ST6GALNAC3: variants seen among roughly 807,000 people sequenced by gnomAD.
The protein encoded by ST6GALNAC3 is ST6 N-acetylgalactosaminide alpha-2,6-sialyltransferase 3.
ST6GALNAC3 carries 25 observed loss-of-function variants against 32.7 expected under a neutral mutation model. The ratio of observed to expected loss-of-function variants is 0.76; its 90% CI spans 0.56 to 1.07. The LOEUF (loss-of-function observed/expected upper bound fraction) is 1.07, where lower values mean the gene tolerates loss of function less well. Ranked by LOEUF, ST6GALNAC3 falls within the 50% of genes least tolerant of loss-of-function variation. The pLI is 0.00. For missense variants in ST6GALNAC3, 355 were observed against 382.4 expected, an observed-to-expected ratio of 0.93 and a Z score of 0.60; for synonymous variants, 129 against 133.1, an observed-to-expected ratio of 0.97 and a Z score of 0.21.
chr1:76,565,661 A>G (rs1449130201), intron 3 of ST6GALNAC3, among the ~76,000 whole-genome samples: 1 of 152,216 alleles, frequency 6.6e-6, no homozygotes, highest in Admixed American at 6.5e-5. Context: ...ATTGAGGCTA[A>G]CAGGTTTTAG....
At chr1:76,167,086 G>C (rs1303262319) in intron 1 of ST6GALNAC3, among the ~76,000 whole-genome samples, 1 of 152,130 alleles carries the variant, frequency 6.6e-6, no homozygotes, top group African/African-American at 2.4e-5. Flanking sequence ...TGGTTTTCAA[G>C]GGAAATGCTT....
intron 1 of ST6GALNAC3, among the ~76,000 whole-genome samples, chr1:76,115,603 T>A (rs930715811): frequency 3.3e-5 from 5 of 152,140 alleles, no homozygotes; most frequent in Admixed American, 2.6e-4. Flanking sequence ...TAGAAAGACA[T>A]TGGGGATGGG....
intron 3 of ST6GALNAC3, among the ~76,000 whole-genome samples, chr1:76,576,192 G>A (rs28477418): frequency 0.012 from 1,883 of 152,092 alleles, 42 homozygotes; most frequent in African/African-American, 0.043. Context: ...GAAGAAAACA[G>A]GATGATTAGT....
At chr1:76,237,645 A>G (rs964432364) in intron 1 of ST6GALNAC3, among the ~76,000 whole-genome samples, 4 of 152,144 alleles carry the variant, frequency 2.6e-5, no homozygotes, top group African/African-American at 7.2e-5. Flanking sequence ...ATTTTCTCTT[A>G]GGGCCATTTC....
At chr1:76,370,365 C>A (rs1239448579) in intron 2 of ST6GALNAC3, among the ~76,000 whole-genome samples, 1 of 152,146 alleles carries the variant, frequency 6.6e-6, no homozygotes, top group Admixed American at 6.6e-5. Context: ...AAACAGATAA[C>A]TCATCCATCT....
chr1:76,118,402 A>G (rs1288011562), intron 1 of ST6GALNAC3, among the ~76,000 whole-genome samples: 3 of 152,350 alleles, frequency 2.0e-5, no homozygotes, highest in East Asian at 3.9e-4. Context: ...CAGTAAGTAA[A>G]TGTCTTCCCT....
chr1:76,079,328 T>C (rs1338927530), intron 1 of ST6GALNAC3, among the ~76,000 whole-genome samples: 6 of 152,238 alleles, frequency 3.9e-5, no homozygotes, highest in African/African-American at 9.6e-5. Context: ...TTATAAATTA[T>C]AGATACTTTA....
chr1:76,547,204 T>G (rs1664348994), intron 3 of ST6GALNAC3, among the ~76,000 whole-genome samples: 1 of 152,188 alleles, frequency 6.6e-6, no homozygotes, highest in South Asian at 2.1e-4. Flanking sequence ...TGGAATAACT[T>G]TTGTTTGCCA....
Position 76,439,375 on chromosome 1 carries a change from C to T in ST6GALNAC3, c.623+26958C>T, listed in dbSNP as rs192701572. On this transcript the variant is annotated intron_variant, in intron 3 of 4. Coordinates refer to ENST00000328299, the MANE Select transcript of ST6GALNAC3 (RefSeq NM_152996.4). ...CTAATACGTATGGCTTAAAATAAAA[C>T]GTGGTGTATACAAATGAAAAAAGGA... is the stretch of plus-strand genomic sequence containing the variant. 3.9e-5 allele frequency among the ~76,000 whole-genome samples: 6 copies of T among 152,214 alleles called. No individual in the cohort carries two copies. In the East Asian group the frequency reaches 9.6e-4, roughly 24 times the overall value.
intron 3 of ST6GALNAC3, among the ~76,000 whole-genome samples, chr1:76,469,583 C>T (rs371146520): frequency 1.3e-5 from 2 of 152,022 alleles, no homozygotes; most frequent in South Asian, 4.2e-4. Flanking sequence ...GTATGCTGAT[C>T]GAATGTGACT....
intron 1 of ST6GALNAC3, among the ~76,000 whole-genome samples, chr1:76,090,541 C>G (rs1647030232): frequency 6.6e-6 from 1 of 152,186 alleles, no homozygotes; most frequent in African/African-American, 2.4e-5. Flanking sequence ...AAAAGATGCA[C>G]GTAAGATGAT....
At chr1:76,144,259 C>T (rs1650533436) in intron 1 of ST6GALNAC3, among the ~76,000 whole-genome samples, 1 of 152,048 alleles carries the variant, frequency 6.6e-6, no homozygotes, top group Non-Finnish European at 1.5e-5. Context: ...GTCAGTAATC[C>T]CCACTCTGAG....
At chr1:76,415,927 G>T (rs1364115306) in intron 3 of ST6GALNAC3, among the ~76,000 whole-genome samples, 4 of 151,782 alleles carry the variant, frequency 2.6e-5, no homozygotes, top group Non-Finnish European at 5.9e-5. Flanking sequence ...AGGGCTATCA[G>T]GTTTTAAGTT....
chr1:76,582,890 A>G (rs1442507762), intron 3 of ST6GALNAC3, among the ~76,000 whole-genome samples: 2 of 152,124 alleles, frequency 1.3e-5, no homozygotes, highest in African/African-American at 4.8e-5. Context: ...TAAGCAGACA[A>G]TACTTTATTT....
At chr1:76,494,649 G>GCACACA (rs35632611) in intron 3 of ST6GALNAC3, among the ~76,000 whole-genome samples, 1,093 of 67,712 alleles carry the variant, frequency 0.016, 106 homozygotes, top group African/African-American at 0.043. Flanking sequence ...ATGTGTATGC[G>GCACACA]CACACACACA....
chr1:76,441,214 A>G (rs1656577521), intron 3 of ST6GALNAC3, among the ~76,000 whole-genome samples: 2 of 152,082 alleles, frequency 1.3e-5, no homozygotes, highest in Non-Finnish European at 2.9e-5. Flanking sequence ...TATTATTGTA[A>G]TGATCATAAA....
At chr1:76,249,882 A>T (rs555642915) in intron 1 of ST6GALNAC3, among the ~76,000 whole-genome samples, 3 of 152,096 alleles carry the variant, frequency 2.0e-5, no homozygotes, top group African/African-American at 7.2e-5. Context: ...TCATGTGTTT[A>T]TTAGCCATTT....
intron 2 of ST6GALNAC3, among the ~76,000 whole-genome samples, chr1:76,383,192 T>C (rs1050425582): frequency 6.6e-6 from 1 of 152,132 alleles, no homozygotes; most frequent in African/African-American, 2.4e-5. Flanking sequence ...AAAATAAAAA[T>C]AAAATATTTG....
Position 76,155,592 on chromosome 1 carries a change from C to T in ST6GALNAC3, c.18+80708C>T, listed in dbSNP as rs1474100554. ...ATGCCATTCTCCTGCCTCAGCCTCCCGAATAGCTGGGACGACAGGCGCCCG... is the reference window on the plus strand; with the variant it reads ...ATGCCATTCTCCTGCCTCAGCCTCCTGAATAGCTGGGACGACAGGCGCCCG... On this transcript the variant is annotated intron_variant, in intron 1 of 4. Transcript: ENST00000328299. Among the ~76,000 whole-genome samples, 7 of 151,582 alleles carry T rather than the reference C, an allele frequency of 4.6e-5. No homozygotes were observed. The East Asian group carries it at 1.2e-3, about 25-fold the overall frequency.
Sources: allele counts gnomAD v4.1 joint callset (sites outside exome capture counted in the v4.1 genomes callset), GRCh38; gene constraint gnomAD v4.1.1; transcripts MANE v1.5; gene names NCBI Gene and HGNC (gene_info 2026-07-23, HGNC 2026-07-21).